AP3B2: variants seen among roughly 807,000 people sequenced by gnomAD.
AP3B2 encodes AP-3 complex subunit beta-2.
AP3B2 carries 50 observed loss-of-function variants against 126.9 expected under a neutral mutation model. The ratio of observed to expected loss-of-function variants is 0.39; its 90% CI spans 0.31 to 0.50. AP3B2 has a LOEUF of 0.50. Among genes scored for constraint, AP3B2 ranks in the 20% least tolerant of loss-of-function variants. The pLI is 0.79. For synonymous variants in AP3B2, 541 were observed against 565.0 expected, an observed-to-expected ratio of 0.96 and a Z score of 0.60; for missense variants, 1,177 against 1,426.4, an observed-to-expected ratio of 0.83 and a Z score of 2.82.
At position 82,663,873 on chromosome 15, in the gene AP3B2, G is replaced by T. The variant is rs368320657; in HGVS notation, c.2364C>A (p.Ser788Arg). 2.6e-5 allele frequency: 42 copies of T among 1,613,850 alleles called. No individual in the cohort carries two copies. The African/African-American group carries it at 5.2e-4, about 20-fold the overall frequency. Residue 788 changes from serine (S) to arginine (R), a missense_variant, in exon 20 of 27, where the codon AGC (serine) becomes AGA (arginine). Around this residue, in one of 5 missense-constraint regions of AP3B2, gnomAD observed 587 missense variants for 571.3 expected, o/e 1.03. Transcript: ENST00000535359. ...SSDEGSDSSS[S>R]SSESEMTSES... ...CCGATGTCATCTCGGACTCTGATGA[G>T]CTACTGCTGGAATCGCTGCCCTCAT...
intron 20 of AP3B2, 54 bp from the exon 21 acceptor site, chr15:82,663,674 T>C: frequency 6.2e-7 from 1 of 1,612,458 alleles, no homozygotes; most frequent in Non-Finnish European, 8.5e-7. Flanking sequence ...CTTGGCATGT[T>C]CTGGGTTGGG....
rs2047901313 is a variant in AP3B2 at position 82,659,647 on chromosome 15, A to G, written c.3219T>C (p.Ala1073=). ...TGTTGACAGTCAGCTGGGCAGCTCC[A>G]GCTGGCCGGGCATCCAGGGTCAGCA... ...LVLLTLDARP[A]GAAQLTVNSE... The change falls in exon 27 of 27, where the codon GCT becomes GCC. Residue 1073 remains alanine, a synonymous_variant. Coordinates refer to ENST00000535359, the MANE Select transcript of AP3B2 (RefSeq NM_001278512.2). 9 of 1,613,942 alleles carry G rather than the reference A, an allele frequency of 5.6e-6. No individual in the cohort carries two copies. Among genetic ancestry groups the G allele is most frequent in the Non-Finnish European group, 7.6e-6 (9 of 1,179,864 alleles).
chr15:82,676,664 T>C (rs1197516061), intron 13 of AP3B2, 27 bp from the exon 14 acceptor site: 1 of 1,611,634 alleles, frequency 6.2e-7, no homozygotes, highest in Non-Finnish European at 8.5e-7. Context: ...GGAGTGAAGA[T>C]GGGTAAATAC....
intron 1 of AP3B2, among the ~76,000 whole-genome samples, chr15:82,700,698 C>G (rs2048708390): frequency 6.6e-6 from 1 of 151,496 alleles, no homozygotes; most frequent in Non-Finnish European, 1.5e-5. Context: ...CGCGCCTGGC[C>G]TGGTTGGCTT....
intron 1 of AP3B2, chr15:82,699,934 C>A: frequency 5.0e-6 from 2 of 399,020 alleles, no homozygotes; most frequent in South Asian, 2.6e-4. Context: ...CTGTCACAGT[C>A]ACCAGATGGC....
chr15:82,674,083 G>A (rs1239234981), intron 14 of AP3B2, among the ~76,000 whole-genome samples: 1 of 152,136 alleles, frequency 6.6e-6, no homozygotes, highest in Non-Finnish European at 1.5e-5. Flanking sequence ...TCAATAGCAG[G>A]GCAGAGGCCT....
intron 1 of AP3B2, 24 bp downstream of exon 1, chr15:82,709,570 G>A (rs2151466188): frequency 2.0e-6 from 3 of 1,473,108 alleles, no homozygotes; most frequent in Admixed American, 2.3e-5. Flanking sequence ...ACCCTCCCGC[G>A]AGCTTCCTGG....
chr15:82,699,506 C>T, intron 1 of AP3B2: 1 of 398,444 alleles, frequency 2.5e-6, no homozygotes, highest in East Asian at 3.6e-5. Context: ...CCAGCCTGGA[C>T]CCTAAATGCC....
In AP3B2 at chr15:82,666,735, T is replaced by C. The variant is rs779588672; in HGVS notation, c.1852+12A>G. The C allele has an allele frequency of 4.3e-6, 7 of 1,611,498 alleles. No homozygotes were observed. The Admixed American group carries it at 1.0e-4, about 23-fold the overall frequency. On this transcript the variant is annotated intron_variant, in intron 15 of 26. Coordinates refer to ENST00000535359, the MANE Select transcript of AP3B2 (RefSeq NM_001278512.2). ...TTCCCCTAGGAAGGTTACCCTTGATTTCAGCTCCCACCTTTGAAGGATGAC... is the reference window on the plus strand; with the variant it reads ...TTCCCCTAGGAAGGTTACCCTTGATCTCAGCTCCCACCTTTGAAGGATGAC...
rs770783937 is a variant in AP3B2, at chr15:82,676,441, G to A, written c.1665+20C>T. The stretch of plus-strand genomic sequence containing the variant: ...TTTCTGGGGACCAGAGTATCTGGGG[G>A]GTCATCTCTTAATCTTTACCTGTTT... On this transcript the variant is annotated intron_variant, in intron 14 of 26. Transcript: ENST00000535359. 1.2e-6 allele frequency: 2 copies of A among 1,611,412 alleles called. No individual in the cohort carries two copies. The highest frequency in any genetic ancestry group is 2.7e-5 in the African/African-American group (2 of 74,866).
chr15:82,668,191 A>G (rs1171585240), intron 14 of AP3B2, among the ~76,000 whole-genome samples: 2 of 152,224 alleles, frequency 1.3e-5, no homozygotes, highest in East Asian at 3.9e-4. Context: ...GAGAGCCACT[A>G]TGATTCCACA....
Position 82,676,524 on chromosome 15 carries a change from C to G in AP3B2, c.1602G>C (p.Glu534Asp), listed in dbSNP as rs1055026303. ...TGATGACCTGCAGCTTGACAATATC[C>G]TCCTCTGCTGTGAATGACTTGGCCA... ...RKMAKSFTAE[E>D]DIVKLQVINL... The change falls in exon 14 of 27, where the codon GAG becomes GAC. Residue 534 changes from glutamate to aspartate, a missense_variant. Transcript: ENST00000535359. The G allele has an allele frequency of 1.2e-6, 2 of 1,614,014 alleles. No individual in the cohort carries two copies. Among genetic ancestry groups the G allele is most frequent in the South Asian group, 2.2e-5 (2 of 91,090 alleles).
rs374369854 is a variant in AP3B2 at position 82,679,305 on chromosome 15, G to A, written c.1182+424C>T. ...CGCCTGGCTAATTTTTGTATTTTTC[G>A]TTGAGACGAGGTTTTGCTATGTTGG... is the stretch of plus-strand genomic sequence containing the variant. On this transcript the variant is annotated intron_variant, in intron 10 of 26. Transcript: ENST00000535359. 9.2e-5 allele frequency among the ~76,000 whole-genome samples: 14 copies of A among 152,194 alleles called. No individual in the cohort carries two copies. In the East Asian group the frequency reaches 1.9e-3, roughly 21 times the overall value.
chr15:82,707,796 C>A (rs1023366254), intron 1 of AP3B2, among the ~76,000 whole-genome samples: 3 of 152,148 alleles, frequency 2.0e-5, no homozygotes, highest in Non-Finnish European at 2.9e-5. Flanking sequence ...TCCTATACAA[C>A]AAATGTTTCT....
At chr15:82,673,328 C>T (rs1439236880) in intron 14 of AP3B2, among the ~76,000 whole-genome samples, 1 of 152,166 alleles carries the variant, frequency 6.6e-6, no homozygotes, top group Non-Finnish European at 1.5e-5. Context: ...AATTCTCCTG[C>T]CACAGCCTCC....
rs1196173559 is a variant in AP3B2 at position 82,677,335 on chromosome 15, A to T, written c.1427T>A (p.Met476Lys). The T allele has an allele frequency of 1.2e-6, 2 of 1,613,960 alleles. No homozygotes were observed. The highest frequency in any genetic ancestry group is 1.7e-5 in the Admixed American group (1 of 60,010). Residue 476 changes from methionine to lysine, a missense_variant, in exon 13 of 27, where the codon ATG becomes AAG. Physicochemically the swap from Met to Lys is moderately conservative, Grantham distance 95 (BLOSUM62 -1). Around this residue, in one of 5 missense-constraint regions of AP3B2, gnomAD observed 308 missense variants for 452.4 expected, o/e 0.68. Coordinates refer to ENST00000535359, the MANE Select transcript of AP3B2 (RefSeq NM_001278512.2). ...GATCTCTCCATGTTGTGCTGGCTGCATCTGTAGCAATTTCTTAATGACGAC... is the reference window on the plus strand; with the variant it reads ...GATCTCTCCATGTTGTGCTGGCTGCTTCTGTAGCAATTTCTTAATGACGAC... The part of the protein sequence containing the change: ...SVVVIKKLLQ[M>K]QPAQHGEIIK...
At chr15:82,699,882 C>T in intron 1 of AP3B2, 1 of 399,750 alleles carries the variant, frequency 2.5e-6, no homozygotes, top group Non-Finnish European at 4.4e-6. Flanking sequence ...GCATCAGGTT[C>T]TTCTCCAGGA....
intron 24 of AP3B2, 104 bp from the exon 25 acceptor site, chr15:82,662,026 TC>T (rs747607819): frequency 1.4e-5 from 19 of 1,339,392 alleles, no homozygotes; most frequent in Non-Finnish European, 1.9e-5. Flanking sequence ...AAGAGTGAGG[TC>T]AGGAATGAGG....
In AP3B2 at chr15:82,664,063, G is replaced by A. The variant is rs955577589; in HGVS notation, c.2262-88C>T. ...GCAGGAGAAATGCTGAAAAGCTGGA[G>A]TGGTGTGGGGAGCCTGAGCCAGGAG... On this transcript the variant is annotated intron_variant, in intron 19 of 26. Coordinates refer to ENST00000535359, the MANE Select transcript of AP3B2 (RefSeq NM_001278512.2). The surrounding 1 kb of genome is among the most constrained non-coding windows in gnomAD (Gnocchi z 4.5). 6.7e-7 allele frequency: 1 copy of A among 1,493,226 alleles called. No individual in the cohort carries two copies. The highest frequency in any genetic ancestry group is 8.9e-7 in the Non-Finnish European group (1 of 1,124,150). The allele number at this position is 1,493,226 out of a possible 1,614,324, so 92.5% of individuals were successfully genotyped here. A position where few individuals can be genotyped will look rare whatever the true frequency, so the allele number is the denominator to read the frequency against.
Sources: gnomAD v4.1 joint callset for allele counts (sites outside exome capture counted in the v4.1 genomes callset) on GRCh38, gnomAD v4.1.1 for gene constraint, gnomAD v4.1.1 regional missense constraint, Gnocchi (gnomAD v3.1) non-coding constraint, MANE v1.5 for transcripts, NCBI Gene and HGNC (gene_info 2026-07-23, HGNC 2026-07-21) for gene names.